The following CCDC73 variants were observed in gnomAD, a reference collection of about 807,000 sequenced individuals.
The protein encoded by CCDC73 is coiled-coil domain-containing protein 73.
A neutral mutation model predicts 116.5 loss-of-function variants in CCDC73; 95 were observed. The ratio of observed to expected loss-of-function variants is 0.82; its 90% CI spans 0.69 to 0.97. The LOEUF (loss-of-function observed/expected upper bound fraction) is 0.97. CCDC73 is among the 50% of genes least tolerant of loss of function. CCDC73 has a pLI of 0.00. For synonymous variants in CCDC73, 398 were observed against 401.3 expected, an observed-to-expected ratio of 0.99 and a Z score of 0.10; for missense variants, 1,066 against 1,206.8, an observed-to-expected ratio of 0.88 and a Z score of 1.73.
At chr11:32,734,674 C>T (rs775152618) in intron 2 of CCDC73, among the ~76,000 whole-genome samples, 3 of 151,998 alleles carry the variant, frequency 2.0e-5, no homozygotes, top group African/African-American at 4.8e-5. Context: ...TTTTATAAGG[C>T]CAGCATCATC....
At chr11:32,618,753 T>C (rs1309068220) in intron 14 of CCDC73, among the ~76,000 whole-genome samples, 2 of 152,176 alleles carry the variant, frequency 1.3e-5, no homozygotes, top group Non-Finnish European at 2.9e-5. Context: ...GGTTTTGCTA[T>C]GTTGGCCAGC....
At chr11:32,820,664 T>G in the CCDC73 span, among the ~76,000 whole-genome samples, 1 of 152,198 alleles carries the variant, frequency 6.6e-6, no homozygotes, top group Admixed American at 6.5e-5. Flanking sequence ...TGCATTACTA[T>G]TGCCTTCTAA....
Position 32,735,254 on chromosome 11 carries a change from T to C in CCDC73, c.136-17107A>G, listed in dbSNP as rs1193822562. On this transcript the variant is annotated intron_variant, in intron 2 of 17. Transcript: ENST00000335185. ...TGTCCCTGTTTGCAGATGACATGATTGTATATTTAGAAAACCCCATCATCT... is the reference window on the plus strand; with the variant it reads ...TGTCCCTGTTTGCAGATGACATGATCGTATATTTAGAAAACCCCATCATCT... Among the ~76,000 whole-genome samples the C allele has an allele frequency of 4.6e-5, 7 of 152,188 alleles. No individual in the cohort carries two copies. The East Asian group carries it at 1.2e-3, about 25-fold the overall frequency.
At chr11:32,747,298 G>A (rs916522616) in intron 2 of CCDC73, among the ~76,000 whole-genome samples, 1 of 152,074 alleles carries the variant, frequency 6.6e-6, no homozygotes, top group Non-Finnish European at 1.5e-5. Context: ...CCTTCCTCTG[G>A]AAGCTTCGTC....
At chr11:32,715,500 A>G (rs1046961322) in intron 3 of CCDC73, among the ~76,000 whole-genome samples, 9 of 149,516 alleles carry the variant, frequency 6.0e-5, no homozygotes, top group African/African-American at 1.2e-4. Context: ...ATACACACGC[A>G]CACACACACA....
In CCDC73 at chr11:32,622,613, G is replaced by A. The variant is rs144795666; in HGVS notation, c.1186-6484C>T. On this transcript the variant is annotated intron_variant, in intron 14 of 17. Transcript: ENST00000335185. ...GGTGCAGCAAACCACCATGGCACAC[G>A]TATAACTATGTAACAAACCTGCACA... is the stretch of plus-strand genomic sequence containing the variant. Among the ~76,000 whole-genome samples the A allele has an allele frequency of 5.6e-4, 82 of 146,740 alleles. 1 individual carries two copies. The highest frequency in any genetic ancestry group is 8.2e-4 in the Non-Finnish European group (55 of 67,448).
At chr11:32,667,462 C>G (rs772807960) in intron 9 of CCDC73, among the ~76,000 whole-genome samples, 50 of 152,218 alleles carry the variant, frequency 3.3e-4, no homozygotes, top group Non-Finnish European at 6.0e-4. Flanking sequence ...CCGTCCAAGC[C>G]AGGCACAGGA....
At chr11:32,624,563 C>T (rs925970225) in intron 14 of CCDC73, among the ~76,000 whole-genome samples, 3 of 152,068 alleles carry the variant, frequency 2.0e-5, no homozygotes, top group African/African-American at 7.2e-5. Flanking sequence ...GAAAGATATC[C>T]ACTATTTAGT....
chr11:32,661,287 A>T (rs1235407981), intron 9 of CCDC73, among the ~76,000 whole-genome samples: 1 of 152,140 alleles, frequency 6.6e-6, no homozygotes, highest in East Asian at 1.9e-4. Context: ...TCTCTTCATC[A>T]ATTGGAGTGA....
rs1372928634 is a variant in CCDC73 at position 32,613,663 on chromosome 11, G to A, written c.2655C>T (p.Thr885=). ...TTTTATCTGAAGTTGAAAGATCAAA[G>A]GTTGACCTTCCGCTTCTGTTTACTA... The part of the protein sequence containing the change: ...GDLVNRSGRS[T]FDLSTSDKKT... Residue 885 remains threonine, a synonymous_variant, in exon 16 of 18, where the codon ACC becomes ACT. Transcript: ENST00000335185. 1.1e-5 allele frequency: 17 copies of A among 1,613,870 alleles called. No homozygotes were observed. Among genetic ancestry groups the A allele is most frequent in the Non-Finnish European group, 1.4e-5 (16 of 1,179,942 alleles).
intron 2 of CCDC73, among the ~76,000 whole-genome samples, chr11:32,755,605 ATATATGTGTG>A (rs1850329185): frequency 1.2e-5 from 1 of 81,200 alleles, no homozygotes; most frequent in Non-Finnish European, 2.4e-5. Context: ...ATATATCCAT[ATATATGTGTG>A]TGTATATATA....
chr11:32,783,173 A>C (rs1479803134), intron 1 of CCDC73, among the ~76,000 whole-genome samples: 2 of 152,154 alleles, frequency 1.3e-5, no homozygotes, highest in African/African-American at 4.8e-5. Context: ...GGAAAAAAAA[A>C]ATCATAAAAA....
chr11:32,670,542 T>C (rs1856029055), intron 9 of CCDC73, among the ~76,000 whole-genome samples: 1 of 151,736 alleles, frequency 6.6e-6, no homozygotes, highest in African/African-American at 2.4e-5. Flanking sequence ...AAAAAAATTA[T>C]TGATAGCTTG....
chr11:32,651,460 A>C (rs1276719521), intron 12 of CCDC73, among the ~76,000 whole-genome samples: 1 of 152,172 alleles, frequency 6.6e-6, no homozygotes, highest in East Asian at 1.9e-4. Context: ...CTTTCCCCCA[A>C]ATGTGACCCA....
rs1282942392 is a variant in CCDC73 at position 32,793,797 on chromosome 11, G to T, written c.-16+816C>A. On this transcript the variant is annotated intron_variant, in intron 1 of 17. Coordinates refer to ENST00000335185, the MANE Select transcript of CCDC73 (RefSeq NM_001008391.4). Reference sequence around the variant, plus strand: ...GGCTAATTTTTGTATTTTTAGTAGAGACGGGGTTTCACCATGTTGACCAGG... The same window carrying T: ...GGCTAATTTTTGTATTTTTAGTAGATACGGGGTTTCACCATGTTGACCAGG... 2.6e-5 allele frequency among the ~76,000 whole-genome samples: 4 copies of T among 152,094 alleles called. No individual in the cohort carries two copies. The East Asian group carries it at 7.8e-4, about 29-fold the overall frequency.
At position 32,718,035 on chromosome 11, in the gene CCDC73, G is replaced by A. The variant is rs751410432; in HGVS notation, c.207+41C>T. 32 of 1,364,834 alleles carry A rather than the reference G, an allele frequency of 2.3e-5. No homozygotes were observed. The South Asian group carries it at 3.1e-4, about 13-fold the overall frequency. The allele number at this position is 1,364,834 out of a possible 1,614,324, so 84.5% of individuals were successfully genotyped here. ...GGTTACGGGGATTACAATTCAAGAT[G>A]AGATTTGGCTGGGGACACAAAGCCT... is the stretch of plus-strand genomic sequence containing the variant. On this transcript the variant is annotated intron_variant, in intron 3 of 17. Transcript: ENST00000335185.
rs192445382 is a variant in CCDC73 at position 32,613,572 on chromosome 11, T to C, written c.2746A>G (p.Ile916Val). ...GAACTGCTCGCTGTTTGACTTTCAA[T>C]GTGATTTACTTTTGACCAAGGACCG... is the stretch of plus-strand genomic sequence containing the variant. ...DPGPWSKVNH[I>V]ESQTASSSTP... The change falls in exon 16 of 18, where the codon ATT (isoleucine) becomes GTT (valine). Residue 916 changes from isoleucine (I) to valine (V), a missense_variant. By Grantham distance (29) the Ile-to-Val change is conservative. Transcript: ENST00000335185. The C allele has an allele frequency of 5.0e-6, 8 of 1,614,156 alleles. No individual in the cohort carries two copies. The Admixed American group carries it at 6.7e-5, about 13-fold the overall frequency.
chr11:32,663,257 A>G (rs1382479131), intron 9 of CCDC73, among the ~76,000 whole-genome samples: 4 of 152,202 alleles, frequency 2.6e-5, no homozygotes, highest in African/African-American at 9.7e-5. Context: ...CATTGAATCT[A>G]TAAATTACCT....
intron 1 of CCDC73, among the ~76,000 whole-genome samples, chr11:32,782,886 G>T (rs1176298059): frequency 6.6e-6 from 1 of 151,838 alleles, no homozygotes; most frequent in Non-Finnish European, 1.5e-5. Flanking sequence ...GCAAAAAGAA[G>T]CAAAAAACCA....
Sources: allele counts gnomAD v4.1 joint callset (sites outside exome capture counted in the v4.1 genomes callset), GRCh38; gene constraint gnomAD v4.1.1; transcripts MANE v1.5; gene names NCBI Gene and HGNC (gene_info 2026-07-23, HGNC 2026-07-21).